The following SUGP1 variants were observed in gnomAD, a reference collection of about 807,000 sequenced individuals.
SUGP1 encodes the protein SURP and G-patch domain-containing protein 1.
SUGP1 carries 34 observed loss-of-function variants against 76.5 expected under a neutral mutation model. The observed-to-expected ratio is 0.44, with a 90% CI of 0.34 to 0.59. SUGP1 has a LOEUF of 0.59. Ranked by LOEUF, SUGP1 falls within the 20% of genes least tolerant of loss-of-function variation. The pLI is 0.01. For synonymous variants in SUGP1, 326 were observed against 326.2 expected (o/e 1.00, Z 0.01); for missense variants, 752 against 851.7 (o/e 0.88, Z 1.46).
chr19:19,295,605 C>CAAAAAAAAAAAAAAAA (rs55921805), intron 8 of SUGP1, among the ~76,000 whole-genome samples: 1 of 66,810 alleles, frequency 1.5e-5, no homozygotes, highest in Non-Finnish European at 3.0e-5. Context: ...GACTCCTTCT[C>CAAAAAAAAAAAAAAAA]AAAAAAAAAA....
In SUGP1 at chr19:19,302,402, G is replaced by C. The variant is rs1260781271; in HGVS notation, c.764-14C>G. On this transcript the variant is annotated splice_polypyrimidine_tract_variant and intron_variant, in intron 6 of 13. Transcript: ENST00000247001. ...CTGGGGGTGAAACTTTAAGCAGGCT[G>C]TCAGTACTGGGCTCAACTCACCACA... 1 of 1,613,494 alleles carries C rather than the reference G, an allele frequency of 6.2e-7. No individual in the cohort carries two copies. The highest frequency in any genetic ancestry group is 2.2e-5 in the East Asian group (1 of 44,888).
At chr19:19,312,323 T>C (rs1339696618) in intron 2 of SUGP1, among the ~76,000 whole-genome samples, 1 of 152,232 alleles carries the variant, frequency 6.6e-6, no homozygotes, top group African/African-American at 2.4e-5. Flanking sequence ...GTATATATCT[T>C]TATTTTGCTC....
chr19:19,311,184 T>A (rs999013497), intron 2 of SUGP1, among the ~76,000 whole-genome samples: 3 of 152,050 alleles, frequency 2.0e-5, no homozygotes, highest in African/African-American at 7.2e-5. Flanking sequence ...GTGACACTGT[T>A]CCTGGCCAAT....
Position 19,280,174 on chromosome 19 carries a change from C to T in SUGP1, c.1350+11G>A, listed in dbSNP as rs368870788. The T allele has an allele frequency of 2.3e-5, 37 of 1,612,672 alleles. No homozygotes were observed. Among genetic ancestry groups the T allele is most frequent in the African/African-American group, 9.3e-5 (7 of 74,918 alleles). On this transcript the variant is annotated intron_variant, in intron 9 of 13. Coordinates refer to ENST00000247001, the MANE Select transcript of SUGP1 (RefSeq NM_172231.4). Reference sequence around the variant, plus strand: ...GACCATGTCCCCGTCCCCTTGTCCCCGCAGTCTTACCTCCTGCTGCTCCTT... The same window carrying T: ...GACCATGTCCCCGTCCCCTTGTCCCTGCAGTCTTACCTCCTGCTGCTCCTT...
intron 8 of SUGP1, among the ~76,000 whole-genome samples, chr19:19,296,137 T>C (rs958356517): frequency 1.3e-5 from 2 of 151,076 alleles, no homozygotes; most frequent in African/African-American, 2.4e-5. Context: ...AGCAACATAG[T>C]GAGACCCCGT....
intron 8 of SUGP1, among the ~76,000 whole-genome samples, chr19:19,286,719 A>G (rs1003670957): frequency 2.6e-5 from 4 of 152,066 alleles, no homozygotes; most frequent in Middle Eastern, 3.2e-3. Context: ...TCTTGTCTCT[A>G]TAAAAAAATA....
At position 19,280,171 on chromosome 19, in the gene SUGP1, C is replaced by G; in HGVS notation, c.1350+14G>C. 1.9e-6 allele frequency: 3 copies of G among 1,612,252 alleles called. No homozygotes were observed. Among genetic ancestry groups the G allele is most frequent in the Non-Finnish European group, 2.5e-6 (3 of 1,178,852 alleles). ...GCCGACCATGTCCCCGTCCCCTTGT[C>G]CCCGCAGTCTTACCTCCTGCTGCTC... On this transcript the variant is annotated intron_variant, in intron 9 of 13. Transcript: ENST00000247001.
At chr19:19,283,315 G>T (rs1034027766) in intron 8 of SUGP1, among the ~76,000 whole-genome samples, 1 of 152,064 alleles carries the variant, frequency 6.6e-6, no homozygotes, top group Non-Finnish European at 1.5e-5. Context: ...CACCCACGCT[G>T]GAGTGTAATG....
intron 8 of SUGP1, among the ~76,000 whole-genome samples, chr19:19,285,378 G>C (rs2061131801): frequency 6.6e-6 from 1 of 151,974 alleles, no homozygotes; most frequent in Non-Finnish European, 1.5e-5. Flanking sequence ...TGTTGGCCAG[G>C]CTGGTTTCAA....
chr19:19,310,105 G>C lies in SUGP1; in HGVS notation c.302C>G (p.Thr101Ser). 1 of 1,613,234 alleles carries C rather than the reference G, an allele frequency of 6.2e-7. No individual in the cohort carries two copies. Among genetic ancestry groups the C allele is most frequent in the Non-Finnish European group, 8.5e-7 (1 of 1,179,390 alleles). ...QQFLKLQKAQ[T>S]STDAPTSAPS... Reference sequence around the variant, plus strand: ...GGGAGGCCTACACTCACCTGTGCTGGTCTGTGCCTTCTGCAACTTCAGAAA... The same window carrying C: ...GGGAGGCCTACACTCACCTGTGCTGCTCTGTGCCTTCTGCAACTTCAGAAA... Residue 101 changes from threonine to serine, a missense_variant, in exon 3 of 14, where the codon ACC becomes AGC. Physicochemically the swap from Thr to Ser is moderately conservative, Grantham distance 58 (BLOSUM62 1). Coordinates refer to ENST00000247001, the MANE Select transcript of SUGP1 (RefSeq NM_172231.4).
At chr19:19,297,464 T>A in intron 7 of SUGP1, 120 bp from the exon 8 acceptor site, 2 of 587,868 alleles carry the variant, frequency 3.4e-6, no homozygotes, top group Non-Finnish European at 5.4e-6. Flanking sequence ...TATGGTCATG[T>A]CATAGTCACG....
In SUGP1 at chr19:19,296,994, A is replaced by T; in HGVS notation, c.1238T>A (p.Leu413Gln). 6.4e-7 allele frequency: 1 copy of T among 1,573,560 alleles called. No individual in the cohort carries two copies. The highest frequency in any genetic ancestry group is 8.7e-7 in the Non-Finnish European group (1 of 1,153,188). The change falls in exon 8 of 14, where the codon CTG becomes CAG. Residue 413 changes from leucine (L) to glutamine (Q), a missense_variant. Leu to Gln is a moderately radical substitution (Grantham distance 113, BLOSUM62 -2). Coordinates refer to ENST00000247001, the MANE Select transcript of SUGP1 (RefSeq NM_172231.4). ...GGGGGAGAGGGTCTGCCCACCTGAC[A>T]GAGGCGAGGGAGAGGCATCCACGTC... The part of the protein sequence containing the change: ...QRDVDASPSP[L>Q]SVQDLKGLGY...
Position 19,305,942 on chromosome 19 carries a change from C to A in SUGP1, c.445G>T (p.Ala149Ser), listed in dbSNP as rs1250077640. 3.7e-6 allele frequency: 6 copies of A among 1,613,120 alleles called. No homozygotes were observed. The African/African-American group carries it at 6.7e-5, about 18-fold the overall frequency. Residue 149 changes from alanine (A) to serine (S), a missense_variant, in exon 4 of 14, where the codon GCC becomes TCC. By Grantham distance (99) the Ala-to-Ser change is moderately conservative. Around this residue, in one of 2 missense-constraint regions of SUGP1, gnomAD observed 620 missense variants for 617.3 expected, o/e 1.00. Coordinates refer to ENST00000247001, the MANE Select transcript of SUGP1 (RefSeq NM_172231.4). ...CGGTGCGCCACGGGCAGCTGCTTGG[C>A]GTGGGAGTAGCTCTTCACAGGGCCC... Reference protein sequence around the residue: ...LPGPVKSYSHAKQLPVAHRPS... With the variant: ...LPGPVKSYSHSKQLPVAHRPS...
At chr19:19,303,686 T>C (rs1336752854) in intron 5 of SUGP1, 38 bp downstream of exon 5, 11 of 1,611,988 alleles carry the variant, frequency 6.8e-6, no homozygotes, top group Non-Finnish European at 9.3e-6. Context: ...AGCAAACGCA[T>C]TCAACAGCAC....
chr19:19,284,870 GGTTT>G (rs1170190396), intron 8 of SUGP1, among the ~76,000 whole-genome samples: 11 of 151,222 alleles, frequency 7.3e-5, no homozygotes, highest in Admixed American at 4.0e-4. Flanking sequence ...TGCTCAAACA[GGTTT>G]GTTTTTTTTT....
intron 2 of SUGP1, among the ~76,000 whole-genome samples, chr19:19,314,803 GA>G (rs1397310563): frequency 1.3e-5 from 2 of 152,224 alleles, no homozygotes; most frequent in African/African-American, 4.8e-5. Flanking sequence ...GGGAGACTGA[GA>G]GGGGCGGATC....
intron 2 of SUGP1, among the ~76,000 whole-genome samples, chr19:19,312,119 T>G (rs2061357085): frequency 6.6e-6 from 1 of 152,012 alleles, no homozygotes; most frequent in Non-Finnish European, 1.5e-5. Context: ...CGTGTGCCTA[T>G]AATTCCAGCA....
chr19:19,291,434 C>T (rs1397126271), intron 8 of SUGP1, among the ~76,000 whole-genome samples: 1 of 152,046 alleles, frequency 6.6e-6, no homozygotes, highest in Non-Finnish European at 1.5e-5. Flanking sequence ...GAAAATAAGA[C>T]ATAAGTTAAA....
At chr19:19,320,355 C>A in intron 1 of SUGP1, 108 bp downstream of exon 1, 5 of 1,249,700 alleles carry the variant, frequency 4.0e-6, no homozygotes, top group East Asian at 2.6e-5. Flanking sequence ...TGCCCCGGGG[C>A]TGAAGCGAGG....
Sources: gnomAD v4.1 joint callset for allele counts (sites outside exome capture counted in the v4.1 genomes callset) on GRCh38, gnomAD v4.1.1 for gene constraint, gnomAD v4.1.1 regional missense constraint, MANE v1.5 for transcripts, NCBI Gene and HGNC (gene_info 2026-07-23, HGNC 2026-07-21) for gene names.